The following WBP2 variants were observed in gnomAD, a reference collection of about 807,000 sequenced individuals.
WBP2 encodes WW domain binding protein 2, also known as WW domain-binding protein 2.
In WBP2, 23 loss-of-function variants were observed where a neutral mutation model predicts 33.0. The ratio of observed to expected loss-of-function variants is 0.70; its 90% CI spans 0.50 to 0.99. The LOEUF is 0.99. Ranked by LOEUF, WBP2 falls within the 50% of genes least tolerant of loss-of-function variation. WBP2 has a pLI of 0.00. For synonymous variants in WBP2, 153 were observed against 133.5 expected, an observed-to-expected ratio of 1.15 and a Z score of -1.01; for missense variants, 353 against 358.0, an observed-to-expected ratio of 0.99 and a Z score of 0.11.
intron 2 of WBP2, among the ~76,000 whole-genome samples, chr17:75,850,525 A>G (rs950486665): frequency 1.3e-5 from 2 of 152,128 alleles, no homozygotes; most frequent in Non-Finnish European, 2.9e-5. Context: ...GATTACAGGC[A>G]TGAGCCACCG....
Position 75,846,620 on chromosome 17 carries a change from G to T in WBP2, c.*114C>A. On this transcript the variant is annotated 3_prime_UTR_variant, in exon 8 of 8. Transcript: ENST00000254806. This position sits in a 1 kb window ranked among gnomAD's most constrained non-coding sequence, Gnocchi z 4.8. The stretch of plus-strand genomic sequence containing the variant: ...ATGCTAGTTCCTGGTAATTGTTTAT[G>T]ATCAGACCTGGAGGGAGAACAAGGC... 7.9e-7 allele frequency: 1 copy of T among 1,265,366 alleles called. No individual in the cohort carries two copies. The highest frequency in any genetic ancestry group is 1.3e-5 in the South Asian group (1 of 76,948). 78.4% of individuals were successfully genotyped at this position (1,265,366 alleles called of 1,614,324 possible). A position where few individuals can be genotyped will look rare whatever the true frequency, so the allele number is the denominator to read the frequency against.
intron 2 of WBP2, 30 bp from the exon 3 acceptor site, chr17:75,849,769 A>G: frequency 6.2e-7 from 1 of 1,610,636 alleles, no homozygotes; most frequent in Non-Finnish European, 8.5e-7. Flanking sequence ...GGCCATCAGT[A>G]CTAGAAGCAC....
chr17:75,851,218 C>A (rs1465676385), intron 2 of WBP2: 1 of 225,404 alleles, frequency 4.4e-6, no homozygotes, highest in Non-Finnish European at 9.3e-6. Context: ...TCTGGATACA[C>A]ACAGGGCTTC....
intron 4 of WBP2, chr17:75,848,177 G>T: frequency 1.6e-6 from 1 of 607,140 alleles, no homozygotes; most frequent in South Asian, 2.0e-5. Context: ...GGTGGACAGA[G>T]GCCGGGAGGG....
At chr17:75,852,043 G>A (rs1421423902) in intron 1 of WBP2, 1 of 196,034 alleles carries the variant, frequency 5.1e-6, no homozygotes, top group East Asian at 1.2e-4. Context: ...GGCAGAGGTT[G>A]CAGTGAGCTG....
intron 1 of WBP2, chr17:75,852,891 C>T: frequency 1.3e-6 from 1 of 764,098 alleles, no homozygotes; most frequent in Non-Finnish European, 1.6e-6. Context: ...TTCTTTTAAA[C>T]CTGGGTTCTT....
At chr17:75,848,329 C>G (rs1267034624) in intron 4 of WBP2, 1 of 594,966 alleles carries the variant, frequency 1.7e-6, no homozygotes, top group Non-Finnish European at 3.0e-6. Flanking sequence ...GTCCTTGAGT[C>G]CAAACAGCTT....
intron 1 of WBP2, chr17:75,855,005 A>C: frequency 1.7e-6 from 1 of 574,328 alleles, no homozygotes; most frequent in Non-Finnish European, 3.1e-6. Flanking sequence ...CGGGGGCCCC[A>C]TACCAGGTCC....
intron 1 of WBP2, among the ~76,000 whole-genome samples, chr17:75,853,999 C>T (rs112253169): frequency 0.11 from 15,246 of 132,964 alleles, 912 homozygotes; most frequent in African/African-American, 0.16. Context: ...GAGCTGAGAT[C>T]GTGCCACTGC....
Position 75,846,862 on chromosome 17 carries a change from G to A in WBP2, c.732+46C>T, listed in dbSNP as rs769016169. ...TGCGGTCATCCCCCTGCGGCTCCCA[G>A]CATCTGCGGCTGTGGGGCTGCACCG... is the stretch of plus-strand genomic sequence containing the variant. On this transcript the variant is annotated intron_variant, in intron 7 of 7. Transcript: ENST00000254806. This position sits in a 1 kb window ranked among gnomAD's most constrained non-coding sequence, Gnocchi z 4.8. 5 of 1,613,462 alleles carry A rather than the reference G, an allele frequency of 3.1e-6. No individual in the cohort carries two copies. In the East Asian group the frequency reaches 8.9e-5, roughly 29 times the overall value.
intron 4 of WBP2, chr17:75,848,357 C>T: frequency 1.7e-6 from 1 of 603,436 alleles, no homozygotes; most frequent in East Asian, 2.8e-5. Context: ...ACGTCATCCA[C>T]CTGCCCCAGG....
At chr17:75,853,866 A>T (rs1309498568) in intron 1 of WBP2, among the ~76,000 whole-genome samples, 1 of 151,980 alleles carries the variant, frequency 6.6e-6, no homozygotes, top group Non-Finnish European at 1.5e-5. Context: ...CAACATGGTG[A>T]AACCCTATGT....
At chr17:75,848,769 C>CGG (rs1287712954) in intron 3 of WBP2, 107 bp from the exon 4 acceptor site, 1 of 1,022,294 alleles carries the variant, frequency 9.8e-7, no homozygotes, top group African/African-American at 1.6e-5. Context: ...GGGAGGCCTG[C>CGG]GGGGGCTGGG....
intron 3 of WBP2, 187 bp downstream of exon 3, chr17:75,849,417 G>T: frequency 1.5e-6 from 1 of 661,170 alleles, no homozygotes; most frequent in Non-Finnish European, 2.5e-6. Context: ...CTGAGCTGCT[G>T]TCTTTCATGC....
upstream of WBP2, among the ~76,000 whole-genome samples, chr17:75,855,868 C>T (rs2065055883): frequency 6.6e-6 from 1 of 152,242 alleles, no homozygotes; most frequent in African/African-American, 2.4e-5. Flanking sequence ...GAGCCGGAGG[C>T]CCCGGCTCTT....
chr17:75,850,832 T>C (rs541484169), intron 2 of WBP2, among the ~76,000 whole-genome samples: 1 of 152,276 alleles, frequency 6.6e-6, no homozygotes, highest in African/African-American at 2.4e-5. Flanking sequence ...TAGCTGAGAC[T>C]AGAGGCATGT....
chr17:75,848,963 A>T (rs911895771), intron 3 of WBP2: 4 of 428,948 alleles, frequency 9.3e-6, no homozygotes, highest in African/African-American at 6.0e-5. Flanking sequence ...TGCCAAGGCC[A>T]CATCAAGGTT....
chr17:75,847,234 G>A (rs899558593), intron 6 of WBP2: 3 of 686,572 alleles, frequency 4.4e-6, no homozygotes, highest in Admixed American at 2.6e-5. Context: ...CCAGCTGAGT[G>A]TAGATGAGAG....
intron 1 of WBP2, among the ~76,000 whole-genome samples, chr17:75,853,067 G>T (rs1019701903): frequency 2.0e-5 from 3 of 151,782 alleles, no homozygotes; most frequent in African/African-American, 7.3e-5. Context: ...TTTTTGAGAC[G>T]GAGTTTCACT....
Sources: gnomAD v4.1 joint callset for allele counts (sites outside exome capture counted in the v4.1 genomes callset) on GRCh38, gnomAD v4.1.1 for gene constraint, Gnocchi (gnomAD v3.1) non-coding constraint, MANE v1.5 for transcripts, NCBI Gene and HGNC (gene_info 2026-07-23, HGNC 2026-07-21) for gene names.